Variants in DUSP22 observed in about 807,000 individuals in gnomAD.
The protein encoded by DUSP22 is dual specificity phosphatase 22, also known as dual specificity protein phosphatase 22.
In DUSP22, 24 loss-of-function variants were observed where a neutral mutation model predicts 24.5. That is an observed-to-expected ratio of 0.98 (90% CI 0.71 to 1.38). The LOEUF (loss-of-function observed/expected upper bound fraction) is 1.38, where lower values mean the gene tolerates loss of function less well. Ranked by LOEUF, DUSP22 falls within the 40% of genes most tolerant of loss-of-function variation. The pLI is 0.00. For synonymous variants in DUSP22, 160 were observed against 106.4 expected, an observed-to-expected ratio of 1.50 and a Z score of -3.10; for missense variants, 330 against 269.2, an observed-to-expected ratio of 1.23 and a Z score of -1.58.
intron 3 of DUSP22, among the ~76,000 whole-genome samples, chr6:312,772 A>C (rs907042353): frequency 6.6e-6 from 1 of 152,300 alleles, no homozygotes; most frequent in Non-Finnish European, 1.5e-5. Flanking sequence ...TTTATTTCAA[A>C]TGTATCTATT....
intron 3 of DUSP22, among the ~76,000 whole-genome samples, chr6:322,259 G>A (rs568967251): frequency 3.1e-4 from 48 of 152,396 alleles, no homozygotes; most frequent in East Asian, 5.8e-4. Flanking sequence ...ATCCTCCAGC[G>A]TCTTGCTTTT....
At chr6:328,028 A>G (rs1758965222) in intron 3 of DUSP22, among the ~76,000 whole-genome samples, 1 of 152,304 alleles carries the variant, frequency 6.6e-6, no homozygotes, top group Admixed American at 6.5e-5. Context: ...GAGATGTGTG[A>G]TCAGATAATG....
chr6:348,277 A>T lies in DUSP22; in HGVS notation c.435+3A>T, dbSNP rs1205018976. On this transcript the variant is annotated splice_donor_region_variant and intron_variant, in intron 6 of 6. Transcript: ENST00000419235. ...TTGAGAAGCATGAGGTCCATCAGGT[A>T]AGCAGTTCTTAGGGGACATCAGAGA... 1 of 1,614,148 alleles carries T rather than the reference A, an allele frequency of 6.2e-7. No homozygotes were observed. Among genetic ancestry groups the T allele is most frequent in the African/African-American group, 1.3e-5 (1 of 74,968 alleles).
At chr6:342,545 C>T (rs540184638) in intron 4 of DUSP22, among the ~76,000 whole-genome samples, 2 of 152,310 alleles carry the variant, frequency 1.3e-5, no homozygotes, top group African/African-American at 4.8e-5. Flanking sequence ...GGAGCCACTT[C>T]TGGGCCAGAT....
chr6:341,371 G>A (rs1380010685), intron 4 of DUSP22, among the ~76,000 whole-genome samples: 3 of 152,308 alleles, frequency 2.0e-5, no homozygotes. Context: ...TCTAACTGCA[G>A]TTGAGCAATA....
At chr6:295,075 A>G (rs1757263024) in intron 1 of DUSP22, among the ~76,000 whole-genome samples, 1 of 151,560 alleles carries the variant, frequency 6.6e-6, no homozygotes, top group Admixed American at 6.6e-5. Flanking sequence ...ACGAGGCTTC[A>G]TCTGTAAAAA....
rs1758650634 is a variant in DUSP22 at position 322,653 on chromosome 6, C to G, written c.138+10691C>G. ...GAAGACAGGCTTAGGTTGGTAGAAA[C>G]AACCAAGGAGAATATCCGTGGAGAG... On this transcript the variant is annotated intron_variant, in intron 3 of 6. Transcript: ENST00000419235. 2.0e-5 allele frequency among the ~76,000 whole-genome samples: 3 copies of G among 152,298 alleles called. No homozygotes were observed. In the South Asian group the frequency reaches 6.2e-4, roughly 32 times the overall value.
At chr6:323,254 G>GTGTT (rs1416736445) in intron 3 of DUSP22, among the ~76,000 whole-genome samples, 1 of 152,270 alleles carries the variant, frequency 6.6e-6, no homozygotes, top group Non-Finnish European at 1.5e-5. Context: ...GTGTGTGTGT[G>GTGTT]TGTGTGTGTT....
chr6:302,793 C>T (rs1014859065), intron 1 of DUSP22, among the ~76,000 whole-genome samples: 4 of 152,286 alleles, frequency 2.6e-5, no homozygotes, highest in Admixed American at 6.5e-5. Context: ...AGACTCTATT[C>T]GAGACCATCA....
Position 349,173 on chromosome 6 carries a change from G to A in DUSP22, c.*222G>A. 14 of 1,427,504 alleles carry A rather than the reference G, an allele frequency of 9.8e-6. No homozygotes were observed. Among genetic ancestry groups the A allele is most frequent in the Non-Finnish European group, 1.2e-5 (13 of 1,095,664 alleles). The allele number at this position is 1,427,504 out of a possible 1,614,324, so 88.4% of individuals were successfully genotyped here. On this transcript the variant is annotated 3_prime_UTR_variant, in exon 7 of 7. Coordinates refer to ENST00000419235, the MANE Select transcript of DUSP22 (RefSeq NM_001286555.3). ...ACCTGAGCTTGCTGCCCCTGGGGAT[G>A]TTGCCCAGTGGCTGTGCACTGCTCT...
chr6:327,452 T>A (rs1431500346), intron 3 of DUSP22, among the ~76,000 whole-genome samples: 1 of 152,310 alleles, frequency 6.6e-6, no homozygotes, highest in Non-Finnish European at 1.5e-5. Context: ...ATGTTTAAAA[T>A]TCTGAAATGG....
Position 351,176 on chromosome 6 carries a change from G to A in DUSP22, c.*2225G>A, listed in dbSNP as rs1487849009. ...GCGCTCGTGATTGCTTCCTGTGAAC[G>A]CCTCCCAAGGACGAGCCCAGTGTAG... On this transcript the variant is annotated 3_prime_UTR_variant, in exon 7 of 7. Transcript: ENST00000419235. The A allele has an allele frequency of 2.7e-5, 12 of 445,584 alleles. No individual in the cohort carries two copies. Among genetic ancestry groups the A allele is most frequent in the African/African-American group, 1.2e-4 (6 of 50,850 alleles). The allele number at this position is 445,584 out of a possible 1,614,324, so 27.6% of individuals were successfully genotyped here.
intron 4 of DUSP22, among the ~76,000 whole-genome samples, chr6:337,810 A>T (rs977525859): frequency 2.0e-5 from 3 of 152,300 alleles, no homozygotes; most frequent in African/African-American, 4.8e-5. Context: ...TATCCCAAAT[A>T]TGTGAAGAGG....
chr6:316,848 G>A (rs966426053), intron 3 of DUSP22, among the ~76,000 whole-genome samples: 1 of 152,304 alleles, frequency 6.6e-6, no homozygotes, highest in African/African-American at 2.4e-5. Context: ...TAAGATGACA[G>A]TGTAGGATCA....
At chr6:338,358 A>G (rs1003112670) in intron 4 of DUSP22, among the ~76,000 whole-genome samples, 1 of 152,298 alleles carries the variant, frequency 6.6e-6, no homozygotes, top group African/African-American at 2.4e-5. Flanking sequence ...ACTGGAAGGC[A>G]TAGTGTACTT....
rs1306053932 is a variant in DUSP22 at position 349,717 on chromosome 6, A to G, written c.*766A>G. 4.1e-6 allele frequency: 4 copies of G among 986,050 alleles called. No homozygotes were observed. Among genetic ancestry groups the G allele is most frequent in the African/African-American group, 1.7e-5 (1 of 57,286 alleles). 61.1% of individuals were successfully genotyped at this position (986,050 alleles called of 1,614,324 possible). The stretch of plus-strand genomic sequence containing the variant: ...AAGTATCTTAGATTGCCTCCATCTC[A>G]ATGTGAATGCACCAGGCTGAGGGTT... On this transcript the variant is annotated 3_prime_UTR_variant, in exon 7 of 7. Transcript: ENST00000419235.
chr6:331,963 G>A (rs1475195849), intron 3 of DUSP22, among the ~76,000 whole-genome samples: 2 of 152,304 alleles, frequency 1.3e-5, no homozygotes, highest in African/African-American at 2.4e-5. Context: ...TGTGTGGGTG[G>A]CTTGCTGTTT....
chr6:339,763 C>G (rs1446192946), intron 4 of DUSP22, among the ~76,000 whole-genome samples: 1 of 152,306 alleles, frequency 6.6e-6, no homozygotes, highest in Non-Finnish European at 1.5e-5. Flanking sequence ...CTTATTCTAT[C>G]TCCCTATCTT....
intron 4 of DUSP22, among the ~76,000 whole-genome samples, chr6:336,094 T>C (rs558630801): frequency 1.1e-4 from 16 of 152,318 alleles, no homozygotes; most frequent in African/African-American, 3.6e-4. Flanking sequence ...CCTGGAAATA[T>C]CATGATGTGG....
Sources: allele counts gnomAD v4.1 joint callset (sites outside exome capture counted in the v4.1 genomes callset), GRCh38; gene constraint gnomAD v4.1.1; transcripts MANE v1.5; gene names NCBI Gene and HGNC (gene_info 2026-07-23, HGNC 2026-07-21).